ZNF318: variants seen among roughly 807,000 people sequenced by gnomAD.
The protein encoded by ZNF318 is zinc finger protein 318, also known as endocrine regulator.
A neutral mutation model predicts 124.2 loss-of-function variants in ZNF318; 51 were observed. That is an observed-to-expected ratio of 0.41 (90% CI 0.33 to 0.52). The LOEUF is 0.52. Among genes scored for constraint, ZNF318 ranks in the 20% least tolerant of loss-of-function variants. The pLI, the probability that ZNF318 is intolerant of heterozygous loss-of-function variation, is 0.23. For synonymous variants in ZNF318, 1,090 were observed against 1,040.7 expected, an observed-to-expected ratio of 1.05 and a Z score of -0.91; for missense variants, 2,815 against 2,811.2, an observed-to-expected ratio of 1.00 and a Z score of -0.03.
At chr6:43,342,529 C>T (rs1779385668) in intron 7 of ZNF318, 147 bp downstream of exon 7, 1 of 804,436 alleles carries the variant, frequency 1.2e-6, no homozygotes, top group African/African-American at 1.7e-5. Flanking sequence ...GATGGTGTCT[C>T]CTTTGTTGGT....
Position 43,337,833 on chromosome 6 carries a change from A to G in ZNF318, c.6165T>C (p.Asn2055=). 6.2e-7 allele frequency: 1 copy of G among 1,614,220 alleles called. No homozygotes were observed. The change falls in exon 10 of 10, where the codon AAT becomes AAC. Residue 2055 remains asparagine (N), a synonymous_variant. Coordinates refer to ENST00000361428, the MANE Select transcript of ZNF318 (RefSeq NM_014345.3). ...EENSVSPIGC[N]SSDPADFEPI... is the part of the protein sequence containing the mutation. ...GTTCGAAGTCAGCGGGATCGGAGGAATTACACCCTATAGGTGATACAGAAT... is the reference window on the plus strand; with the variant it reads ...GTTCGAAGTCAGCGGGATCGGAGGAGTTACACCCTATAGGTGATACAGAAT...
At chr6:43,365,721 C>A (rs961628604) in intron 1 of ZNF318, among the ~76,000 whole-genome samples, 3 of 152,174 alleles carry the variant, frequency 2.0e-5, no homozygotes, top group African/African-American at 7.2e-5. Flanking sequence ...GAGGTCAGGG[C>A]TGCAGTGAGC....
At chr6:43,345,079 T>C (rs1163936450) in intron 6 of ZNF318, among the ~76,000 whole-genome samples, 1 of 151,744 alleles carries the variant, frequency 6.6e-6, no homozygotes, top group Admixed American at 6.6e-5. Context: ...ACCTCAACTC[T>C]ACAAAAATAC....
intron 1 of ZNF318, chr6:43,368,765 A>T: frequency 4.1e-6 from 4 of 985,424 alleles, no homozygotes; most frequent in Non-Finnish European, 4.8e-6. Context: ...TCCCGACGAG[A>T]CGCCCGTGCG....
rs939974273 is a variant in ZNF318, at chr6:43,357,186, C to T, written c.1128G>A (p.Met376Ile). 6 of 1,614,150 alleles carry T rather than the reference C, an allele frequency of 3.7e-6. No individual in the cohort carries two copies. The highest frequency in any genetic ancestry group is 5.1e-6 in the Non-Finnish European group (6 of 1,180,020). Residue 376 changes from methionine (M) to isoleucine (I), a missense_variant, in exon 3 of 10, where the codon ATG becomes ATA. Met to Ile is a conservative substitution (Grantham distance 10). This residue lies in a region of ZNF318 where 1,377 missense variants were observed against 1,353.5 expected (regional missense o/e 1.02). Transcript: ENST00000361428. Reference protein sequence around the residue: ...SLHRPEEVSVMPKKSILKKRI... With the variant: ...SLHRPEEVSVIPKKSILKKRI... ...GCTTCTTCAAAATGGATTTCTTGGG[C>T]ATCACAGATACTTCCTCAGGCCGAT...
chr6:43,352,178 C>CTGGGAGAAGAGT (rs1779536796), intron 5 of ZNF318, among the ~76,000 whole-genome samples, 199 bp downstream of exon 5: 1 of 56,944 alleles, frequency 1.8e-5, no homozygotes, highest in Non-Finnish European at 3.0e-5. Context: ...TCATCATCAT[C>CTGGGAGAAGAGT]ATCATCACCA....
chr6:43,342,308 G>C (rs1779382093), intron 7 of ZNF318, 97 bp from the exon 8 acceptor site: 5 of 947,708 alleles, frequency 5.3e-6, no homozygotes, highest in Admixed American at 2.9e-5. Context: ...CAGGGGACCA[G>C]AAGCCCCCAG....
chr6:43,337,251 T>C lies in ZNF318; in HGVS notation c.6747A>G (p.Val2249=), dbSNP rs2150747624. The C allele has an allele frequency of 6.2e-7, 1 of 1,614,174 alleles. No individual in the cohort carries two copies. The highest frequency in any genetic ancestry group is 8.5e-7 in the Non-Finnish European group (1 of 1,180,024). The part of the protein sequence containing the change: ...PVSRSPPREQ[V]IEDNMVPQGM... ...CCTGAGGGACCATATTGTCTTCAAT[T>C]ACCTGCTCCCTTGGAGGGGACCTTG... Residue 2249 remains valine, a synonymous_variant, in exon 10 of 10, where the codon GTA becomes GTG. Transcript: ENST00000361428.
chr6:43,358,796 T>C (rs1310140571), intron 2 of ZNF318, among the ~76,000 whole-genome samples: 2 of 152,160 alleles, frequency 1.3e-5, no homozygotes, highest in African/African-American at 4.8e-5. Flanking sequence ...TCTCAGGTGA[T>C]CTGCCCGCCT....
chr6:43,354,652 G>A lies in ZNF318; in HGVS notation c.2670+12C>T. Reference sequence around the variant, plus strand: ...AAAACTCAGGCACAGGATACCCAAAGCTAATATTCACCTTTTGCTTCTGGG... The same window carrying A: ...AAAACTCAGGCACAGGATACCCAAAACTAATATTCACCTTTTGCTTCTGGG... On this transcript the variant is annotated intron_variant, in intron 4 of 9. Coordinates refer to ENST00000361428, the MANE Select transcript of ZNF318 (RefSeq NM_014345.3). 2 of 1,582,522 alleles carry A rather than the reference G, an allele frequency of 1.3e-6. No individual in the cohort carries two copies. The highest frequency in any genetic ancestry group is 4.5e-5 in the East Asian group (2 of 44,384).
Position 43,367,959 on chromosome 6 carries a change from A to G in ZNF318, c.399+1008T>C, listed in dbSNP as rs113768568. Among the ~76,000 whole-genome samples, 136 of 152,274 alleles carry G rather than the reference A, an allele frequency of 8.9e-4. 1 individual carries two copies. Among genetic ancestry groups the G allele is most frequent in the Non-Finnish European group, 1.6e-3 (107 of 68,010 alleles). ...AGGATTGATTGAACCCCGGAGGCGG[A>G]GGTTACAGTGAGCTGAGATCATGCC... is the stretch of plus-strand genomic sequence containing the variant. On this transcript the variant is annotated intron_variant, in intron 1 of 9. Transcript: ENST00000361428.
rs1779485534 is a variant in ZNF318 at position 43,348,767 on chromosome 6, C to T, written c.2771-142G>A. 5.1e-6 allele frequency: 5 copies of T among 977,336 alleles called. No homozygotes were observed. The East Asian group carries it at 7.9e-5, about 15-fold the overall frequency. 60.5% of individuals were successfully genotyped at this position (977,336 alleles called of 1,614,324 possible). ...TTCTAAGAGTGGCTAGGCGTGGTGG[C>T]TCATGCCTGTAATTCCAGCACTTTG... On this transcript the variant is annotated intron_variant, in intron 5 of 9. Coordinates refer to ENST00000361428, the MANE Select transcript of ZNF318 (RefSeq NM_014345.3).
intron 2 of ZNF318, among the ~76,000 whole-genome samples, chr6:43,359,040 G>GT (rs1462794486): frequency 6.6e-6 from 1 of 152,126 alleles, no homozygotes; most frequent in Non-Finnish European, 1.5e-5. Flanking sequence ...GGAAAAAAAA[G>GT]TATCACTATA....
At position 43,368,972 on chromosome 6, in the gene ZNF318, T is replaced by G. The variant is rs1562138704; in HGVS notation, c.394A>C (p.Ser132Arg). Residue 132 changes from serine to arginine, a missense_variant, in exon 1 of 10, where the codon AGC (serine) becomes CGC (arginine). This residue lies in a region of ZNF318 where 1,377 missense variants were observed against 1,353.5 expected (regional missense o/e 1.02). Coordinates refer to ENST00000361428, the MANE Select transcript of ZNF318 (RefSeq NM_014345.3). ...GRGDHPGDSGSRRRSPGLCSD... is the reference protein window; with the variant it reads ...GRGDHPGDSGRRRRSPGLCSD... ...TGGACGAGGGGTGGGATTACCCGGC[T>G]GCCGCTGTCGCCTGGATGGTCTCCG... The G allele has an allele frequency of 1.8e-5, 26 of 1,418,034 alleles. No homozygotes were observed. The highest frequency in any genetic ancestry group is 2.4e-5 in the Non-Finnish European group (26 of 1,083,006). 87.8% of individuals were successfully genotyped at this position (1,418,034 alleles called of 1,614,324 possible).
Position 43,348,750 on chromosome 6 carries a change from G to T in ZNF318, c.2771-125C>A, listed in dbSNP as rs1373332149. On this transcript the variant is annotated intron_variant, in intron 5 of 9. Transcript: ENST00000361428. ...TCTTTGCCCACAAACGTTTCTAAGAGTGGCTAGGCGTGGTGGCTCATGCCT... is the reference window on the plus strand; with the variant it reads ...TCTTTGCCCACAAACGTTTCTAAGATTGGCTAGGCGTGGTGGCTCATGCCT... 8.9e-6 allele frequency: 10 copies of T among 1,127,838 alleles called. No homozygotes were observed. The East Asian group carries it at 2.6e-4, about 29-fold the overall frequency. 69.9% of individuals were successfully genotyped at this position (1,127,838 alleles called of 1,614,324 possible). A position where few individuals can be genotyped will look rare whatever the true frequency, so the allele number is the denominator to read the frequency against.
Position 43,345,997 on chromosome 6 carries a change from G to A in ZNF318, c.3072+2327C>T, listed in dbSNP as rs544461595. Reference sequence around the variant, plus strand: ...GCAGGTGGATTACCTGAGGTCAGGAGTTCGAGACCAGCCTGGCCAACATGG... The same window carrying A: ...GCAGGTGGATTACCTGAGGTCAGGAATTCGAGACCAGCCTGGCCAACATGG... On this transcript the variant is annotated intron_variant, in intron 6 of 9. Coordinates refer to ENST00000361428, the MANE Select transcript of ZNF318 (RefSeq NM_014345.3). Among the ~76,000 whole-genome samples the A allele has an allele frequency of 3.0e-4, 46 of 152,002 alleles. 2 individuals are homozygous for A. The highest frequency in any genetic ancestry group is 1.0e-3 in the African/African-American group (43 of 41,400).
At chr6:43,362,434 A>G (rs1383011844) in intron 2 of ZNF318, among the ~76,000 whole-genome samples, 1 of 151,780 alleles carries the variant, frequency 6.6e-6, no homozygotes, top group African/African-American at 2.4e-5. Flanking sequence ...GCCAGGCAAC[A>G]GTGCAAGACT....
At chr6:43,358,943 C>T (rs1217337563) in intron 2 of ZNF318, among the ~76,000 whole-genome samples, 1 of 152,172 alleles carries the variant, frequency 6.6e-6, no homozygotes, top group African/African-American at 2.4e-5. Flanking sequence ...AAAAGCAGAA[C>T]CAGCAGGGCT....
In ZNF318 at chr6:43,340,215, T is replaced by C. The variant is rs1338593860; in HGVS notation, c.3783A>G (p.Glu1261=). Residue 1261 remains glutamate, a synonymous_variant, in exon 10 of 10, where the codon GAA becomes GAG. Coordinates refer to ENST00000361428, the MANE Select transcript of ZNF318 (RefSeq NM_014345.3). ...RNTGIKLQLK[E]EVKKESPTSS... ...ATGTTGGTGATTCCTTCTTTACCTC[T>C]TCTTTTAACTGGAGTTTGATGCCAG... The C allele has an allele frequency of 6.2e-7, 1 of 1,614,194 alleles. No individual in the cohort carries two copies.
Sources: allele counts gnomAD v4.1 joint callset (sites outside exome capture counted in the v4.1 genomes callset), GRCh38; gene constraint gnomAD v4.1.1; regional missense constraint gnomAD v4.1.1; transcripts MANE v1.5; gene names NCBI Gene and HGNC (gene_info 2026-07-23, HGNC 2026-07-21).